The following EPB41L1 variants were observed in gnomAD, a reference collection of about 807,000 sequenced individuals.
EPB41L1 encodes the protein band 4.1-like protein 1.
Under a neutral mutation model 97.8 loss-of-function variants are expected in EPB41L1, and 29 were observed. The observed-to-expected ratio is 0.30, with a 90% CI of 0.22 to 0.40. The LOEUF (loss-of-function observed/expected upper bound fraction) is 0.40, where lower values mean the gene tolerates loss of function less well. Ranked by LOEUF, EPB41L1 falls within the 10% of genes least tolerant of loss-of-function variation. EPB41L1 has a pLI of 1.00. For synonymous variants in EPB41L1, 383 were observed against 459.2 expected, an observed-to-expected ratio of 0.83 and a Z score of 2.12; for missense variants, 812 against 1,162.3, an observed-to-expected ratio of 0.70 and a Z score of 4.38.
chr20:36,165,485 G>T (rs2060702525), intron 1 of EPB41L1, among the ~76,000 whole-genome samples: 1 of 151,912 alleles, frequency 6.6e-6, no homozygotes, highest in South Asian at 2.1e-4. Context: ...GATCACCTGA[G>T]GTCAGGAGTT....
chr20:36,119,667 G>A (rs372350401), intron 2 of EPB41L1, among the ~76,000 whole-genome samples: 6 of 146,752 alleles, frequency 4.1e-5, no homozygotes, highest in East Asian at 4.2e-4. Context: ...GAGGGGAGAG[G>A]AGGGGAAGGG....
Position 36,232,606 on chromosome 20 carries a change from A to C in EPB41L1, c.*3266A>C, listed in dbSNP as rs2064538778. 1 of 398,528 alleles carries C rather than the reference A, an allele frequency of 2.5e-6. No individual in the cohort carries two copies. The highest frequency in any genetic ancestry group is 2.1e-5 in the African/African-American group (1 of 48,452). 24.7% of individuals were successfully genotyped at this position (398,528 alleles called of 1,614,324 possible). A position where few individuals can be genotyped will look rare whatever the true frequency, so the allele number is the denominator to read the frequency against. On this transcript the variant is annotated 3_prime_UTR_variant, in exon 22 of 22. Transcript: ENST00000338074. ...GGCCTGAAACTGCATGAGCAACATC[A>C]CTCGAAATAATTTTTTTTTTCAAAA... is the stretch of plus-strand genomic sequence containing the variant.
At chr20:36,098,338 T>C (rs2057900642) in intron 1 of EPB41L1, among the ~76,000 whole-genome samples, 1 of 152,212 alleles carries the variant, frequency 6.6e-6, no homozygotes, top group African/African-American at 2.4e-5. Flanking sequence ...GGTGCTGTCA[T>C]GAAGCACGCA....
At chr20:36,101,998 CTG>C (rs977079086) in intron 1 of EPB41L1, among the ~76,000 whole-genome samples, 3 of 129,194 alleles carry the variant, frequency 2.3e-5, no homozygotes, top group African/African-American at 1.0e-4. Context: ...GAGTGAGACT[CTG>C]TCTCAAAAAA....
chr20:36,156,132 C>T (rs996835371), intron 1 of EPB41L1, among the ~76,000 whole-genome samples: 4 of 152,214 alleles, frequency 2.6e-5, no homozygotes, highest in Non-Finnish European at 5.9e-5. Context: ...TATGAGCCAC[C>T]GTGGCCCAGG....
intron 3 of EPB41L1, among the ~76,000 whole-genome samples, chr20:36,177,404 C>A (rs559934467): frequency 6.6e-6 from 1 of 152,286 alleles, no homozygotes; most frequent in South Asian, 2.1e-4. Context: ...ATGGAGGCCC[C>A]ATGAGCCTCT....
Position 36,195,227 on chromosome 20 carries a change from C to T in EPB41L1, c.1450-102C>T. On this transcript the variant is annotated intron_variant, in intron 12 of 21. Transcript: ENST00000338074. The surrounding 1 kb of genome is among the most constrained non-coding windows in gnomAD (Gnocchi z 4.6). ...CCTGGCCTCCACTTGGTCGAGTGTG[C>T]GTGCTCTGGGCTCCTTGCTGGACCA... The T allele has an allele frequency of 1.1e-5, 16 of 1,426,794 alleles. No homozygotes were observed. The highest frequency in any genetic ancestry group is 3.5e-5 in the South Asian group (3 of 85,696). The allele number at this position is 1,426,794 out of a possible 1,614,324, so 88.4% of individuals were successfully genotyped here.
intron 2 of EPB41L1, among the ~76,000 whole-genome samples, chr20:36,138,262 C>CTTT (rs34787525): frequency 3.4e-4 from 45 of 131,800 alleles, no homozygotes; most frequent in African/African-American, 1.2e-3. Context: ...ATGGTTAGCA[C>CTTT]TTTTTTTTTT....
intron 1 of EPB41L1, among the ~76,000 whole-genome samples, chr20:36,100,321 TC>T (rs1219749965): frequency 3.9e-5 from 6 of 152,190 alleles, no homozygotes; most frequent in Non-Finnish European, 7.3e-5. Flanking sequence ...GTCTGCTTTC[TC>T]CCCTTCCCTC....
At chr20:36,221,776 C>T in intron 19 of EPB41L1, 88 bp from the exon 20 acceptor site, 1 of 1,120,368 alleles carries the variant, frequency 8.9e-7, no homozygotes, top group South Asian at 1.2e-5. Flanking sequence ...TCAGCCCTGC[C>T]CTCGAGAGAT....
intron 2 of EPB41L1, among the ~76,000 whole-genome samples, chr20:36,133,815 G>A (rs1166266832): frequency 1.4e-5 from 2 of 147,714 alleles, no homozygotes; most frequent in Non-Finnish European, 1.5e-5. Flanking sequence ...CCGAGATCAC[G>A]CCACTGCATT....
In EPB41L1 at chr20:36,207,158, G is replaced by T. The variant is rs2146741335; in HGVS notation, c.1669-2330G>T. 7.8e-7 allele frequency: 1 copy of T among 1,289,290 alleles called. No individual in the cohort carries two copies. The highest frequency in any genetic ancestry group is 1.0e-6 in the Non-Finnish European group (1 of 988,430). The allele number at this position is 1,289,290 out of a possible 1,614,324, so 79.9% of individuals were successfully genotyped here. ...GCTTCTCCAAGCCCAACCTCCCATG[G>T]GTCAGGGGAGCCTTCGGAGCTCAGG... is the stretch of plus-strand genomic sequence containing the variant. On this transcript the variant is annotated intron_variant, in intron 14 of 21. Coordinates refer to ENST00000338074, the MANE Select transcript of EPB41L1 (RefSeq NM_012156.2). The surrounding 1 kb of genome is among the most constrained non-coding windows in gnomAD (Gnocchi z 4.9).
chr20:36,139,810 C>T (rs143565058), intron 2 of EPB41L1, among the ~76,000 whole-genome samples: 185 of 152,226 alleles, frequency 1.2e-3, no homozygotes, highest in African/African-American at 4.3e-3. Context: ...GGGCTCACCG[C>T]AACCTCTGCC....
rs1419346477 is a variant in EPB41L1 at position 36,209,941 on chromosome 20, C to T, written c.2079+43C>T. 1 of 1,605,220 alleles carries T rather than the reference C, an allele frequency of 6.2e-7. No homozygotes were observed. The highest frequency in any genetic ancestry group is 1.1e-5 in the South Asian group (1 of 89,858). On this transcript the variant is annotated intron_variant, in intron 15 of 21. Coordinates refer to ENST00000338074, the MANE Select transcript of EPB41L1 (RefSeq NM_012156.2). This position sits in a 1 kb window ranked among gnomAD's most constrained non-coding sequence, Gnocchi z 4.2. ...CAAGAGCCAGGCCCGCTGGGCACCG[C>T]ATGCTCAGAGGGCCCTGGGCCACCC...
At chr20:36,130,420 T>C (rs2059152500) in intron 2 of EPB41L1, among the ~76,000 whole-genome samples, 1 of 152,194 alleles carries the variant, frequency 6.6e-6, no homozygotes, top group Non-Finnish European at 1.5e-5. Flanking sequence ...TCATCAGTAC[T>C]GTCCTGCATT....
chr20:36,153,634 C>T (rs1362352334), upstream of EPB41L1, among the ~76,000 whole-genome samples: 13 of 152,164 alleles, frequency 8.5e-5, no homozygotes, highest in Admixed American at 7.9e-4. Flanking sequence ...TCTATGCCTT[C>T]GCCATGAACT....
chr20:36,169,351 G>A (rs1361612297), intron 1 of EPB41L1, among the ~76,000 whole-genome samples: 1 of 152,196 alleles, frequency 6.6e-6, no homozygotes, highest in Non-Finnish European at 1.5e-5. Flanking sequence ...CCTGTGCTGT[G>A]AAGCACTGAG....
intron 2 of EPB41L1, among the ~76,000 whole-genome samples, chr20:36,142,210 T>C (rs1285408798): frequency 6.6e-6 from 1 of 152,242 alleles, no homozygotes. Flanking sequence ...TTACCTGTAT[T>C]GTGTTAAGAA....
At chr20:36,153,214 T>C (rs2060128694), upstream of EPB41L1, 2 of 398,586 alleles carry the variant, frequency 5.0e-6, no homozygotes, top group South Asian at 1.8e-5. Context: ...TTGGAGGCCC[T>C]AGAGTGCCTA....
Sources: gnomAD v4.1 joint callset for allele counts (sites outside exome capture counted in the v4.1 genomes callset) on GRCh38, gnomAD v4.1.1 for gene constraint, Gnocchi (gnomAD v3.1) non-coding constraint, MANE v1.5 for transcripts, NCBI Gene and HGNC (gene_info 2026-07-23, HGNC 2026-07-21) for gene names.